Variants in MIPOL1 observed in about 807,000 individuals in gnomAD.
MIPOL1 encodes mirror-image polydactyly 1, also known as mirror-image polydactyly gene 1 protein.
A neutral mutation model predicts 60.9 loss-of-function variants in MIPOL1; 57 were observed. The ratio of observed to expected loss-of-function variants is 0.94; its 90% CI spans 0.76 to 1.17. The LOEUF is 1.17. Among genes scored for constraint, MIPOL1 ranks in the 50% most tolerant of loss-of-function variants. The probability of loss-of-function intolerance (pLI) is 0.00; values close to 1 mark genes in which losing one functional copy is unlikely to be tolerated. For synonymous variants in MIPOL1, 179 were observed against 168.8 expected, an observed-to-expected ratio of 1.06 and a Z score of -0.47; for missense variants, 551 against 511.6, an observed-to-expected ratio of 1.08 and a Z score of -0.74.
At chr14:37,441,807 CGTT>C (rs1437982895) in intron 11 of MIPOL1, among the ~76,000 whole-genome samples, 2 of 151,926 alleles carry the variant, frequency 1.3e-5, no homozygotes, top group African/African-American at 4.8e-5. Flanking sequence ...TGAAAAATGA[CGTT>C]GGTGTTTTCA....
At chr14:37,317,193 G>A (rs140537305) in intron 9 of MIPOL1, among the ~76,000 whole-genome samples, 29 of 152,270 alleles carry the variant, frequency 1.9e-4, no homozygotes, top group South Asian at 1.9e-3. Flanking sequence ...AGTTGGGGGT[G>A]CAGTGTCATT....
chr14:37,368,822 A>G (rs1270287221), intron 9 of MIPOL1, among the ~76,000 whole-genome samples: 1 of 152,008 alleles, frequency 6.6e-6, no homozygotes, highest in East Asian at 1.9e-4. Context: ...AGATGCTTCT[A>G]TTGGCTCATT....
downstream of MIPOL1, chr14:37,552,041 T>A (rs2095562650): frequency 6.6e-6 from 1 of 152,136 alleles, no homozygotes; most frequent in Admixed American, 6.5e-5. Context: ...TCAATCATGA[T>A]AAGGTAAATG....
intron 11 of MIPOL1, among the ~76,000 whole-genome samples, chr14:37,445,196 T>C (rs1317287525): frequency 1.3e-5 from 2 of 151,970 alleles, no homozygotes; most frequent in Admixed American, 6.6e-5. Context: ...CAGCCCAAAA[T>C]CTCCTTAAGC....
chr14:37,374,914 G>A (rs1055354959), intron 10 of MIPOL1, among the ~76,000 whole-genome samples: 16 of 152,068 alleles, frequency 1.1e-4, no homozygotes, highest in African/African-American at 3.6e-4. Flanking sequence ...TTCTAATTTT[G>A]TGAAGAAAGT....
intron 11 of MIPOL1, among the ~76,000 whole-genome samples, chr14:37,487,825 C>G (rs1158734680): frequency 6.6e-6 from 1 of 152,188 alleles, no homozygotes; most frequent in African/African-American, 2.4e-5. Flanking sequence ...TTCTGTGTCT[C>G]TATCTCCTTC....
At chr14:37,514,539 T>C (rs940514710) in intron 12 of MIPOL1, among the ~76,000 whole-genome samples, 9 of 152,146 alleles carry the variant, frequency 5.9e-5, no homozygotes, top group Non-Finnish European at 1.3e-4. Context: ...TATAACTCAC[T>C]CAAAACTTTC....
intron 9 of MIPOL1, 113 bp from the exon 10 acceptor site, chr14:37,369,404 A>AT (rs2153495471): frequency 3.3e-6 from 2 of 608,940 alleles, no homozygotes; most frequent in Non-Finnish European, 5.4e-6. Flanking sequence ...TGTTGCAAAA[A>AT]AAAAACCTTG....
At chr14:37,273,493 C>CT (rs926472124) in intron 6 of MIPOL1, among the ~76,000 whole-genome samples, 8 of 151,032 alleles carry the variant, frequency 5.3e-5, no homozygotes, top group Middle Eastern at 3.5e-3. Flanking sequence ...TACCCACACC[C>CT]TTTTTTTAGT....
In MIPOL1 at chr14:37,472,859, A is replaced by G. The variant is rs141857002; in HGVS notation, c.1032-27049A>G. Among the ~76,000 whole-genome samples the G allele has an allele frequency of 7.0e-3, 1,067 of 152,270 alleles. 51 individuals are homozygous for G. Among genetic ancestry groups the G allele is most frequent in the Admixed American group, 0.062 (954 of 15,284 alleles). On this transcript the variant is annotated intron_variant, in intron 11 of 12. Coordinates refer to ENST00000684589, the MANE Select transcript of MIPOL1 (RefSeq NM_001388067.1). ...CAGTATGTTTTCTCAGCAGTTTTCCATAAAACCCAATATGTTTTACAGACC... is the reference window on the plus strand; with the variant it reads ...CAGTATGTTTTCTCAGCAGTTTTCCGTAAAACCCAATATGTTTTACAGACC...
chr14:37,482,804 G>A (rs2094891056), intron 11 of MIPOL1, among the ~76,000 whole-genome samples: 1 of 152,136 alleles, frequency 6.6e-6, no homozygotes, highest in South Asian at 2.1e-4. Context: ...AAGTGTCAGT[G>A]AGGATATGGA....
chr14:37,506,132 C>T (rs1230382104), intron 12 of MIPOL1: 2 of 152,160 alleles, frequency 1.3e-5, no homozygotes, highest in African/African-American at 4.8e-5. Context: ...ACATTCCATG[C>T]TCACGGATAG....
intron 7 of MIPOL1, among the ~76,000 whole-genome samples, chr14:37,290,190 G>A (rs1353531073): frequency 6.6e-6 from 1 of 152,094 alleles, no homozygotes; most frequent in Non-Finnish European, 1.5e-5. Context: ...AAGAAGTCTT[G>A]ACAGATTCCC....
chr14:37,359,666 C>T (rs2092101524), intron 9 of MIPOL1, among the ~76,000 whole-genome samples: 1 of 152,052 alleles, frequency 6.6e-6, no homozygotes, highest in Non-Finnish European at 1.5e-5. Flanking sequence ...TTGATTTTTG[C>T]ACATTGATTT....
intron 9 of MIPOL1, among the ~76,000 whole-genome samples, chr14:37,337,704 C>A (rs1306665385): frequency 1.3e-5 from 2 of 151,966 alleles, no homozygotes; most frequent in African/African-American, 4.8e-5. Flanking sequence ...TATTGTGATT[C>A]TTTCCTCATT....
intron 11 of MIPOL1, among the ~76,000 whole-genome samples, chr14:37,468,948 T>C (rs777231231): frequency 3.3e-5 from 5 of 152,168 alleles, no homozygotes; most frequent in Non-Finnish European, 7.3e-5. Flanking sequence ...AAATGAGCTA[T>C]AAAGAGAGGC....
intron 11 of MIPOL1, among the ~76,000 whole-genome samples, chr14:37,464,659 T>C (rs1425642184): frequency 6.6e-6 from 1 of 152,172 alleles, no homozygotes; most frequent in South Asian, 2.1e-4. Context: ...GGGTGGTGGC[T>C]GTACTAAAAG....
At chr14:37,434,320 A>G (rs1258294479) in intron 11 of MIPOL1, 1 of 152,130 alleles carries the variant, frequency 6.6e-6, no homozygotes, top group African/African-American at 2.4e-5. Flanking sequence ...TGTTGGCCAC[A>G]TAAGTGTCTT....
At chr14:37,344,664 A>G (rs1194816255) in intron 9 of MIPOL1, among the ~76,000 whole-genome samples, 17 of 152,130 alleles carry the variant, frequency 1.1e-4, no homozygotes, top group Non-Finnish European at 2.4e-4. Flanking sequence ...TGTTATCTTT[A>G]TTAGTTAGAA....
Sources: gnomAD v4.1 joint callset for allele counts (sites outside exome capture counted in the v4.1 genomes callset) on GRCh38, gnomAD v4.1.1 for gene constraint, MANE v1.5 for transcripts, NCBI Gene and HGNC (gene_info 2026-07-23, HGNC 2026-07-21) for gene names.